Variants in RTN1 observed in about 807,000 individuals in gnomAD.
The protein encoded by RTN1 is reticulon 1, also known as reticulon-1.
A neutral mutation model predicts 65.5 loss-of-function variants in RTN1; 25 were observed. That is an observed-to-expected ratio of 0.38 (90% CI 0.28 to 0.53). RTN1 has a LOEUF of 0.53. Among genes scored for constraint, RTN1 ranks in the 20% least tolerant of loss-of-function variants. The pLI is 0.79. For synonymous variants in RTN1, 471 were observed against 447.6 expected (o/e 1.05, Z -0.66); for missense variants, 983 against 1,025.4 (o/e 0.96, Z 0.57).
intron 3 of RTN1, among the ~76,000 whole-genome samples, chr14:59,712,507 A>G (rs773134195): frequency 1.4e-4 from 21 of 152,270 alleles, no homozygotes; most frequent in Non-Finnish European, 2.2e-4. Flanking sequence ...AGTGAGATCA[A>G]TTCAACTTCC....
intron 2 of RTN1, among the ~76,000 whole-genome samples, chr14:59,742,967 T>C (rs1464639621): frequency 6.6e-6 from 1 of 152,184 alleles, no homozygotes; most frequent in Admixed American, 6.5e-5. Flanking sequence ...TTAATTTCAT[T>C]CTTATCTGTT....
chr14:59,749,946 T>C (rs868617543), intron 1 of RTN1, among the ~76,000 whole-genome samples: 2,716 of 109,782 alleles, frequency 0.025, 133 homozygotes, highest in African/African-American at 0.092. Flanking sequence ...TATATATATA[T>C]TTATATGTTA....
intron 1 of RTN1, among the ~76,000 whole-genome samples, chr14:59,773,366 C>T (rs145452084): frequency 2.0e-5 from 3 of 152,150 alleles, no homozygotes; most frequent in African/African-American, 4.8e-5. Flanking sequence ...AGTACTATGT[C>T]ATGTAATTCA....
chr14:59,642,781 T>C (rs1175170489), intron 3 of RTN1, among the ~76,000 whole-genome samples: 1 of 152,216 alleles, frequency 6.6e-6, no homozygotes, highest in African/African-American at 2.4e-5. Flanking sequence ...GGATCATCTA[T>C]GGGTCTGCTT....
chr14:59,794,128 TTACTAATACCCCAAAGATAAG>T lies in RTN1; in HGVS notation c.242-47668_242-47648del, dbSNP rs1886399819. Among the ~76,000 whole-genome samples the T allele has an allele frequency of 6.6e-6, 1 of 152,284 alleles. No individual in the cohort carries two copies. Among genetic ancestry groups the T allele is most frequent in the Non-Finnish European group, 1.5e-5 (1 of 68,020 alleles). On this transcript the variant is annotated intron_variant, in intron 1 of 8. Transcript: ENST00000267484. This position sits in a 1 kb window ranked among gnomAD's most constrained non-coding sequence, Gnocchi z 5.1. ...AATGGTACCATCTCCTTTACCACAA[TTACTAATACCCCAAAGATAAG>T]TCAGTAAGTGTATGGTATTATCTTG...
At chr14:59,859,178 T>C (rs565921621) in intron 1 of RTN1, among the ~76,000 whole-genome samples, 1 of 152,256 alleles carries the variant, frequency 6.6e-6, no homozygotes, top group South Asian at 2.1e-4. Flanking sequence ...AAAATAATGA[T>C]ATGGCTTGAC....
intron 3 of RTN1, among the ~76,000 whole-genome samples, chr14:59,687,602 C>A (rs758228660): frequency 1.3e-5 from 2 of 151,798 alleles, no homozygotes; most frequent in Non-Finnish European, 2.9e-5. Flanking sequence ...TCACCTAGTT[C>A]AGCAGCCTAA....
chr14:59,817,010 C>T (rs545018714), intron 1 of RTN1, among the ~76,000 whole-genome samples: 2 of 152,120 alleles, frequency 1.3e-5, no homozygotes, highest in East Asian at 1.9e-4. Flanking sequence ...CAAATCTAAG[C>T]ATGACAAATA....
intron 1 of RTN1, among the ~76,000 whole-genome samples, chr14:59,861,867 C>T (rs1267616724): frequency 6.6e-6 from 1 of 152,088 alleles, no homozygotes; most frequent in East Asian, 1.9e-4. Flanking sequence ...CAAAAGCCTC[C>T]CAATTGCCCT....
At position 59,822,254 on chromosome 14, in the gene RTN1, C is replaced by T. The variant is rs551133462; in HGVS notation, c.241+48136G>A. Among the ~76,000 whole-genome samples, 9 of 152,204 alleles carry T rather than the reference C, an allele frequency of 5.9e-5. No individual in the cohort carries two copies. In the South Asian group the frequency reaches 1.9e-3, roughly 32 times the overall value. The stretch of plus-strand genomic sequence containing the variant: ...TCAGTCTTGGGAGGTTGTATGTTTC[C>T]AGAAATTTATCCATTTCTTCTAGGT... On this transcript the variant is annotated intron_variant, in intron 1 of 8. Coordinates refer to ENST00000267484, the MANE Select transcript of RTN1 (RefSeq NM_021136.3).
At chr14:59,672,999 T>C (rs1883544110) in intron 3 of RTN1, among the ~76,000 whole-genome samples, 1 of 152,230 alleles carries the variant, frequency 6.6e-6, no homozygotes, top group South Asian at 2.1e-4. Flanking sequence ...AGTGAAATAA[T>C]TTACCCCTTT....
intron 3 of RTN1, among the ~76,000 whole-genome samples, chr14:59,661,111 T>G (rs1883234989): frequency 6.6e-6 from 1 of 151,690 alleles, no homozygotes; most frequent in South Asian, 2.1e-4. Flanking sequence ...TATAAACACC[T>G]CTACACAAAT....
intron 3 of RTN1, among the ~76,000 whole-genome samples, chr14:59,701,564 A>G (rs551166535): frequency 2.0e-5 from 3 of 152,366 alleles, no homozygotes; most frequent in East Asian, 3.9e-4. Context: ...TAAGTGAAAG[A>G]AGCCAAACAC....
chr14:59,789,720 A>G (rs1280426767), intron 1 of RTN1, among the ~76,000 whole-genome samples: 2 of 152,116 alleles, frequency 1.3e-5, no homozygotes, highest in Non-Finnish European at 2.9e-5. Flanking sequence ...CTTAACATTT[A>G]TATTTGTGCA....
chr14:59,816,312 C>T lies in RTN1; in HGVS notation c.241+54078G>A, dbSNP rs2139619650. 6.6e-6 allele frequency among the ~76,000 whole-genome samples: 1 copy of T among 152,218 alleles called. No homozygotes were observed. The highest frequency in any genetic ancestry group is 3.4e-3 in the Middle Eastern group (1 of 294). On this transcript the variant is annotated intron_variant, in intron 1 of 8. Transcript: ENST00000267484. This position sits in a 1 kb window ranked among gnomAD's most constrained non-coding sequence, Gnocchi z 4.3. Reference sequence around the variant, plus strand: ...TTAGTAAAGAACAAAATAACAATTTCCCTGGAAGCCTCTGTCCACTCTCGC... The same window carrying T: ...TTAGTAAAGAACAAAATAACAATTTTCCTGGAAGCCTCTGTCCACTCTCGC...
At chr14:59,609,470 A>C (rs757599283) in intron 3 of RTN1, among the ~76,000 whole-genome samples, 31 of 152,196 alleles carry the variant, frequency 2.0e-4, no homozygotes, top group African/African-American at 4.1e-4. Context: ...CAAAAGCCAT[A>C]ATCTTTTTCA....
chr14:59,692,408 T>G (rs1883980538), intron 3 of RTN1, among the ~76,000 whole-genome samples: 1 of 152,084 alleles, frequency 6.6e-6, no homozygotes, highest in Non-Finnish European at 1.5e-5. Context: ...TGAAAGAAAT[T>G]ATAGATGACA....
chr14:59,714,579 T>G (rs559049032), intron 3 of RTN1, among the ~76,000 whole-genome samples: 2 of 152,302 alleles, frequency 1.3e-5, no homozygotes, highest in African/African-American at 4.8e-5. Flanking sequence ...TCTTCCCAGA[T>G]GTAACCCATA....
intron 4 of RTN1, among the ~76,000 whole-genome samples, chr14:59,606,691 G>A (rs1001426418): frequency 3.3e-5 from 5 of 152,296 alleles, no homozygotes; most frequent in South Asian, 2.1e-4. Context: ...TCATATATCC[G>A]CTTAGTTAGT....
Sources: gnomAD v4.1 joint callset for allele counts (sites outside exome capture counted in the v4.1 genomes callset) on GRCh38, gnomAD v4.1.1 for gene constraint, Gnocchi (gnomAD v3.1) non-coding constraint, MANE v1.5 for transcripts, NCBI Gene and HGNC (gene_info 2026-07-23, HGNC 2026-07-21) for gene names.